NEGR1: variants seen among roughly 807,000 people sequenced by gnomAD.
NEGR1 encodes IgLON family member 4.
Under a neutral mutation model 40.9 loss-of-function variants are expected in NEGR1, and 10 were observed. The observed-to-expected ratio is 0.24, with a 90% CI of 0.15 to 0.42. NEGR1 has a LOEUF of 0.42. Among genes scored for constraint, NEGR1 ranks in the 10% least tolerant of loss-of-function variants. The pLI, the probability that NEGR1 is intolerant of heterozygous loss-of-function variation, is 1.00. For missense variants in NEGR1, 352 were observed against 438.9 expected (o/e 0.80, Z 1.77); for synonymous variants, 185 against 166.8 (o/e 1.11, Z -0.84).
intron 1 of NEGR1, among the ~76,000 whole-genome samples, chr1:72,118,251 T>C (rs1220295323): frequency 5.9e-5 from 9 of 151,892 alleles, no homozygotes; most frequent in Non-Finnish European, 1.2e-4. Flanking sequence ...TAACATTACT[T>C]GTGGCCAAAC....
At chr1:71,959,849 A>AT (rs940859307) in intron 1 of NEGR1, among the ~76,000 whole-genome samples, 10 of 152,066 alleles carry the variant, frequency 6.6e-5, no homozygotes, top group Admixed American at 3.9e-4. Context: ...ATATGAAATC[A>AT]TTTTTTCCCA....
chr1:71,975,913 C>A (rs1208445888), intron 1 of NEGR1, among the ~76,000 whole-genome samples: 1 of 152,180 alleles, frequency 6.6e-6, no homozygotes, highest in African/African-American at 2.4e-5. Flanking sequence ...TGAATTCAAG[C>A]ACCAGTTATT....
At chr1:71,603,312 AACC>A (rs1047104196) in intron 5 of NEGR1, among the ~76,000 whole-genome samples, 1 of 152,202 alleles carries the variant, frequency 6.6e-6, no homozygotes, top group Non-Finnish European at 1.5e-5. Flanking sequence ...CATTGGTAAG[AACC>A]ACCTTGTGAA....
At chr1:71,426,522 T>C (rs1646429577) in intron 6 of NEGR1, among the ~76,000 whole-genome samples, 1 of 150,030 alleles carries the variant, frequency 6.7e-6, no homozygotes, top group African/African-American at 2.4e-5. Flanking sequence ...AAGCGTACTG[T>C]AGGTGGTATT....
At chr1:72,052,148 G>C (rs995039350) in intron 1 of NEGR1, among the ~76,000 whole-genome samples, 32 of 151,498 alleles carry the variant, frequency 2.1e-4, no homozygotes, top group African/African-American at 7.5e-4. Flanking sequence ...TAATTGGGGA[G>C]AGAAATTAGC....
intron 1 of NEGR1, among the ~76,000 whole-genome samples, chr1:72,103,906 T>C (rs991566902): frequency 6.6e-6 from 1 of 152,056 alleles, no homozygotes; most frequent in African/African-American, 2.4e-5. Flanking sequence ...AATGATGCTA[T>C]ACAGACAAAA....
At position 71,403,242 on chromosome 1, in the gene NEGR1, T is replaced by G. The variant is rs1272402416; in HGVS notation, c.*4204A>C. On this transcript the variant is annotated 3_prime_UTR_variant, in exon 7 of 7. Coordinates refer to ENST00000357731, the MANE Select transcript of NEGR1 (RefSeq NM_173808.3). The stretch of plus-strand genomic sequence containing the variant: ...TAAAGGTTCTCAGCCAAATAACGTG[T>G]TTTGCTTGGAAACCAAGGTATTTTT... 6.6e-6 allele frequency: 1 copy of G among 152,034 alleles called. No homozygotes were observed. The highest frequency in any genetic ancestry group is 1.5e-5 in the Non-Finnish European group (1 of 67,948). 9.4% of individuals were successfully genotyped at this position (152,034 alleles called of 1,614,324 possible). A position where few individuals can be genotyped will look rare whatever the true frequency, so the allele number is the denominator to read the frequency against.
intron 1 of NEGR1, among the ~76,000 whole-genome samples, chr1:71,976,484 T>G (rs1646305032): frequency 6.6e-6 from 1 of 152,214 alleles, no homozygotes; most frequent in Non-Finnish European, 1.5e-5. Context: ...AGGGTTTCCA[T>G]TCCATTTATT....
chr1:71,794,268 A>T (rs1439411781), intron 2 of NEGR1: 3 of 152,208 alleles, frequency 2.0e-5, no homozygotes, highest in Non-Finnish European at 4.4e-5. Context: ...GAATTAAAAA[A>T]TTCATCCTAT....
intron 2 of NEGR1, among the ~76,000 whole-genome samples, chr1:71,825,882 C>T (rs1162586905): frequency 6.6e-6 from 1 of 151,800 alleles, no homozygotes; most frequent in African/African-American, 2.4e-5. Flanking sequence ...GACATGTATC[C>T]CTTTTACTAC....
chr1:71,851,928 C>T (rs1165234082), intron 2 of NEGR1, among the ~76,000 whole-genome samples: 1 of 151,996 alleles, frequency 6.6e-6, no homozygotes, highest in Non-Finnish European at 1.5e-5. Flanking sequence ...AAAAATAGTT[C>T]CTTTTACACA....
At chr1:72,266,453 G>A (rs1464718314) in intron 1 of NEGR1, among the ~76,000 whole-genome samples, 1 of 150,686 alleles carries the variant, frequency 6.6e-6, no homozygotes, top group East Asian at 1.9e-4. Flanking sequence ...CACCAAGCCT[G>A]TTCAAGGCCT....
chr1:72,234,560 A>G (rs750525376), intron 1 of NEGR1, among the ~76,000 whole-genome samples: 1 of 152,138 alleles, frequency 6.6e-6, no homozygotes, highest in Non-Finnish European at 1.5e-5. Context: ...CAGTATCTAT[A>G]AGGAACTTAA....
At chr1:72,205,681 C>T (rs1273935203) in intron 1 of NEGR1, among the ~76,000 whole-genome samples, 1 of 142,148 alleles carries the variant, frequency 7.0e-6, no homozygotes, top group Non-Finnish European at 1.5e-5. Context: ...CACTGGGAGG[C>T]CGAGGAGTGT....
intron 1 of NEGR1, among the ~76,000 whole-genome samples, chr1:72,084,990 T>C (rs532294634): frequency 3.3e-5 from 5 of 152,286 alleles, no homozygotes; most frequent in African/African-American, 1.2e-4. Context: ...CTGACAGATT[T>C]ACAGACAAAA....
intron 1 of NEGR1, among the ~76,000 whole-genome samples, chr1:71,943,315 T>C (rs1309781190): frequency 6.6e-6 from 1 of 150,566 alleles, no homozygotes; most frequent in Non-Finnish European, 1.5e-5. Context: ...CATGTGTGTA[T>C]AAAATATGAA....
intron 2 of NEGR1, among the ~76,000 whole-genome samples, chr1:71,854,179 C>A (rs1659692217): frequency 6.6e-6 from 1 of 152,052 alleles, no homozygotes; most frequent in Admixed American, 6.6e-5. Context: ...TTCCTTAAAT[C>A]CTCTTCCATC....
intron 1 of NEGR1, among the ~76,000 whole-genome samples, chr1:72,178,190 GT>G: frequency 6.6e-6 from 1 of 151,746 alleles, no homozygotes. Context: ...AATCTGTCAT[GT>G]TTAATTGAAA....
chr1:71,407,488 A>G lies in NEGR1; in HGVS notation c.1023T>C (p.Ser341=), dbSNP rs1646285483. 2 of 1,612,054 alleles carry G rather than the reference A, an allele frequency of 1.2e-6. No individual in the cohort carries two copies. Among genetic ancestry groups the G allele is most frequent in the Middle Eastern group, 1.6e-4 (1 of 6,076 alleles). The part of the protein sequence containing the change: ...SCWYLVLTLS[S]FTSIFYLKNA... Reference sequence around the variant, plus strand: ...TCTTCAGGTAGAATATGCTGGTGAAAGAGGACAGTGTCAACACAAGGTACC... The same window carrying G: ...TCTTCAGGTAGAATATGCTGGTGAAGGAGGACAGTGTCAACACAAGGTACC... The change falls in exon 7 of 7, where the codon TCT becomes TCC. Residue 341 remains serine, a synonymous_variant. Transcript: ENST00000357731.
Sources: gnomAD v4.1 joint callset for allele counts (sites outside exome capture counted in the v4.1 genomes callset) on GRCh38, gnomAD v4.1.1 for gene constraint, MANE v1.5 for transcripts, NCBI Gene and HGNC (gene_info 2026-07-23, HGNC 2026-07-21) for gene names.